NEDD4: variants seen among roughly 807,000 people sequenced by gnomAD.
NEDD4 encodes E3 ubiquitin-protein ligase NEDD4.
In NEDD4, 99 loss-of-function variants were observed where a neutral mutation model predicts 144.9. That is an observed-to-expected ratio of 0.68 (90% CI 0.58 to 0.81). The LOEUF is 0.81. NEDD4 is among the 30% of genes least tolerant of loss of function. The pLI, the probability that NEDD4 is intolerant of heterozygous loss-of-function variation, is 0.00. For synonymous variants in NEDD4, 318 were observed against 350.6 expected (o/e 0.91, Z 1.04); for missense variants, 985 against 1,065.9 (o/e 0.92, Z 1.06).
chr15:55,881,860 G>T (rs1413346369), intron 5 of NEDD4, among the ~76,000 whole-genome samples: 2 of 151,582 alleles, frequency 1.3e-5, no homozygotes, highest in Non-Finnish European at 2.9e-5. Context: ...TTTTTTTGTT[G>T]TGGGGGCTGT....
intron 5 of NEDD4, 32 bp from the exon 6 acceptor site, chr15:55,874,040 T>G: frequency 8.1e-7 from 1 of 1,240,674 alleles, no homozygotes; most frequent in Non-Finnish European, 1.1e-6. Flanking sequence ...ATATAATTAG[T>G]AATACGCTCA....
intron 5 of NEDD4, among the ~76,000 whole-genome samples, chr15:55,920,373 G>A (rs2142223667): frequency 6.6e-6 from 1 of 152,228 alleles, no homozygotes; most frequent in Non-Finnish European, 1.5e-5. Flanking sequence ...ACCGGTGGCT[G>A]AATGTGTACA....
chr15:55,992,414 C>T (rs75961102), intron 1 of NEDD4, among the ~76,000 whole-genome samples: 2,962 of 152,226 alleles, frequency 0.019, 38 homozygotes, highest in Non-Finnish European at 0.029. Flanking sequence ...AAATGTTTGA[C>T]GACACCAAGG....
chr15:55,952,582 C>T (rs1261187228), intron 2 of NEDD4: 2 of 152,212 alleles, frequency 1.3e-5, no homozygotes, highest in Admixed American at 1.3e-4. Flanking sequence ...ACCACGTTAC[C>T]TCTTAATTGG....
chr15:55,844,569 G>C (rs1002017433), intron 18 of NEDD4, among the ~76,000 whole-genome samples: 2 of 152,106 alleles, frequency 1.3e-5, no homozygotes, highest in Non-Finnish European at 2.9e-5. Flanking sequence ...CACTAGGAGT[G>C]ACACTTTGGG....
At chr15:55,971,646 T>G (rs1226974395) in intron 1 of NEDD4, among the ~76,000 whole-genome samples, 2 of 145,086 alleles carry the variant, frequency 1.4e-5, no homozygotes, top group Non-Finnish European at 3.0e-5. Flanking sequence ...AAAGACTTAT[T>G]AGCTTTAAAG....
chr15:55,928,181 T>C (rs1230824709), intron 4 of NEDD4, among the ~76,000 whole-genome samples: 1 of 152,162 alleles, frequency 6.6e-6, no homozygotes, highest in Non-Finnish European at 1.5e-5. Context: ...GGCTAATTTT[T>C]GTATTTTTTT....
intron 1 of NEDD4, among the ~76,000 whole-genome samples, chr15:55,982,222 ATAAAGT>A (rs1430741572): frequency 2.0e-5 from 3 of 152,220 alleles, no homozygotes; most frequent in Admixed American, 2.0e-4. Flanking sequence ...GCAGTTTCTT[ATAAAGT>A]TAAACACATA....
At position 55,882,056 on chromosome 15, in the gene NEDD4, G is replaced by A. The variant is rs148285418; in HGVS notation, c.292-8048C>T. ...TATAAGACCAAATGTTCCAACAAAC[G>A]TGCAGAAGTCTCTTCCTAATTTTGG... On this transcript the variant is annotated intron_variant, in intron 5 of 28. Coordinates refer to ENST00000435532, the MANE Select transcript of NEDD4 (RefSeq NM_006154.4). 6.2e-3 allele frequency among the ~76,000 whole-genome samples: 937 copies of A among 152,252 alleles called. 6 individuals carry two copies. The highest frequency in any genetic ancestry group is 0.022 in the African/African-American group (899 of 41,528).
At chr15:55,993,065 A>T (rs2038013071) in intron 1 of NEDD4, among the ~76,000 whole-genome samples, 1 of 152,206 alleles carries the variant, frequency 6.6e-6, no homozygotes, top group Non-Finnish European at 1.5e-5. Flanking sequence ...CTCCAGACCG[A>T]AGTCCGTAAA....
chr15:55,970,295 A>G (rs1291531894), intron 1 of NEDD4, among the ~76,000 whole-genome samples: 2 of 151,770 alleles, frequency 1.3e-5, no homozygotes, highest in African/African-American at 4.8e-5. Context: ...CCAGGCCCCA[A>G]CTCCTGGACA....
rs190708848 is a variant in NEDD4 at position 55,943,287 on chromosome 15, A to C, written c.237+8089T>G. Reference sequence around the variant, plus strand: ...GAATTCAAGCCAGCTGCTGGAGCTGAATGTTCATAGCCAAGACAATGGGGA... The same window carrying C: ...GAATTCAAGCCAGCTGCTGGAGCTGCATGTTCATAGCCAAGACAATGGGGA... On this transcript the variant is annotated intron_variant, in intron 4 of 28. Coordinates refer to ENST00000435532, the MANE Select transcript of NEDD4 (RefSeq NM_006154.4). Among the ~76,000 whole-genome samples the C allele has an allele frequency of 4.5e-4, 69 of 152,320 alleles. 1 individual carries two copies. The highest frequency in any genetic ancestry group is 3.6e-3 in the Admixed American group (55 of 15,306).
chr15:55,911,322 AATGCTGAG>A (rs1316579083), intron 5 of NEDD4, among the ~76,000 whole-genome samples: 2 of 151,928 alleles, frequency 1.3e-5, no homozygotes, highest in African/African-American at 4.8e-5. Flanking sequence ...CCAATATAAT[AATGCTGAG>A]ATGGGGAATC....
intron 5 of NEDD4, among the ~76,000 whole-genome samples, chr15:55,902,378 C>T (rs548146162): frequency 1.3e-5 from 2 of 152,250 alleles, no homozygotes; most frequent in African/African-American, 4.8e-5. Context: ...ATTAATGTTG[C>T]TTTTACCATT....
intron 5 of NEDD4, among the ~76,000 whole-genome samples, chr15:55,880,560 T>C (rs2035151012): frequency 1.3e-5 from 2 of 152,174 alleles, no homozygotes; most frequent in South Asian, 4.1e-4. Flanking sequence ...AATAAAGACA[T>C]TTTCAGATAC....
At chr15:55,936,690 C>G (rs2036895558) in intron 4 of NEDD4, among the ~76,000 whole-genome samples, 2 of 152,112 alleles carry the variant, frequency 1.3e-5, no homozygotes, top group African/African-American at 4.8e-5. Context: ...AAGCACAATT[C>G]TTATGCACAG....
intron 2 of NEDD4, among the ~76,000 whole-genome samples, chr15:55,962,477 CTT>C (rs769844414): frequency 1.4e-4 from 22 of 152,146 alleles, no homozygotes; most frequent in Non-Finnish European, 2.2e-4. Context: ...GAGTTTCACT[CTT>C]GTCATGCAGG....
In NEDD4 at chr15:55,834,890, C is replaced by T. The variant is rs142568932; in HGVS notation, c.2263-604G>A. The stretch of plus-strand genomic sequence containing the variant: ...AAGCTTCTCCATCCCTGCGTCCCAA[C>T]CATCACCAACACCCATCATGGCCTC... On this transcript the variant is annotated intron_variant, in intron 24 of 28. Transcript: ENST00000435532. Among the ~76,000 whole-genome samples the T allele has an allele frequency of 8.0e-3, 1,224 of 152,300 alleles. 12 individuals are homozygous for T. The highest frequency in any genetic ancestry group is 0.017 in the Middle Eastern group (5 of 294).
chr15:55,958,162 A>G (rs1287203833), intron 2 of NEDD4, among the ~76,000 whole-genome samples: 1 of 152,198 alleles, frequency 6.6e-6, no homozygotes, highest in Non-Finnish European at 1.5e-5. Context: ...AATACAGTGT[A>G]TTACATCAGT....
Sources: allele counts gnomAD v4.1 joint callset (sites outside exome capture counted in the v4.1 genomes callset), GRCh38; gene constraint gnomAD v4.1.1; transcripts MANE v1.5; gene names NCBI Gene and HGNC (gene_info 2026-07-23, HGNC 2026-07-21).